Variants in SAMMSON observed in about 807,000 individuals in gnomAD.
SAMMSON encodes long intergenic non-protein coding RNA 1212.
chr3:70,276,089 G>A (rs1210409845), intron 6 of SAMMSON, among the ~76,000 whole-genome samples: 4 of 151,962 alleles, frequency 2.6e-5, no homozygotes, highest in African/African-American at 9.7e-5. Context: ...TTATAATTAA[G>A]ATAATATGAT....
At chr3:70,126,015 T>A in intron 4 of SAMMSON, 1 of 866,076 alleles carries the variant, frequency 1.2e-6, no homozygotes, top group Non-Finnish European at 1.9e-6. Context: ...GCGCAGTAAT[T>A]GATCTAAAAG....
Position 70,278,877 on chromosome 3 carries a change from A to C in SAMMSON, n.675-12302A>C, listed in dbSNP as rs116628952. ...GGGTTGTTGTAAAAACAAATGAAAT[A>C]ACAATTGTAACGTAGAGAGCTAGTG... On this transcript the variant is annotated intron_variant and non_coding_transcript_variant, in intron 6 of 9. Transcript: ENST00000642114. Among the ~76,000 whole-genome samples, 1,102 of 152,078 alleles carry C rather than the reference A, an allele frequency of 7.2e-3. 14 individuals carry two copies. Among genetic ancestry groups the C allele is most frequent in the African/African-American group, 0.025 (1,027 of 41,486 alleles).
chr3:70,355,115 G>A (rs1357246780), intron 8 of SAMMSON, among the ~76,000 whole-genome samples: 7 of 152,068 alleles, frequency 4.6e-5, no homozygotes, highest in Admixed American at 3.3e-4. Flanking sequence ...CCTAACTCTC[G>A]GGTAGGAGAC....
chr3:70,237,662 A>G (rs950547691), intron 4 of SAMMSON, among the ~76,000 whole-genome samples: 2 of 152,230 alleles, frequency 1.3e-5, no homozygotes, highest in African/African-American at 4.8e-5. Flanking sequence ...CTAAATAGGG[A>G]AAAGATTGTT....
At chr3:70,205,654 T>C (rs1197953700) in intron 4 of SAMMSON, 4 of 152,134 alleles carry the variant, frequency 2.6e-5, no homozygotes, top group Non-Finnish European at 5.9e-5. Context: ...TGTCCAGTAC[T>C]GTACAGTTAA....
intron 4 of SAMMSON, among the ~76,000 whole-genome samples, chr3:70,164,752 T>C (rs977159552): frequency 6.6e-6 from 1 of 152,072 alleles, no homozygotes; most frequent in Admixed American, 6.6e-5. Context: ...CCACAAAGAA[T>C]TAAGTGAGTT....
At chr3:70,284,784 T>C (rs1271653416) in intron 6 of SAMMSON, among the ~76,000 whole-genome samples, 1 of 151,954 alleles carries the variant, frequency 6.6e-6, no homozygotes, top group Non-Finnish European at 1.5e-5. Flanking sequence ...TCAGGGAAAA[T>C]AACTAATGGG....
chr3:70,158,723 T>C (rs2067602047), intron 4 of SAMMSON, among the ~76,000 whole-genome samples: 1 of 151,994 alleles, frequency 6.6e-6, no homozygotes, highest in Non-Finnish European at 1.5e-5. Context: ...TAGGAGATGG[T>C]TGAAAAGTTT....
rs531101450 is a variant in SAMMSON at position 70,290,353 on chromosome 3, C to T, written n.675-826C>T. On this transcript the variant is annotated intron_variant and non_coding_transcript_variant, in intron 6 of 9. Coordinates refer to ENST00000642114, the Ensembl canonical transcript of SAMMSON. ...GTCAGTGTGCCCCTGTTGGGGGGTG[C>T]CTCCCAGTTAGGCTGCTCGGGGGCC... Among the ~76,000 whole-genome samples, 11 of 152,280 alleles carry T rather than the reference C, an allele frequency of 7.2e-5. No individual in the cohort carries two copies. In the East Asian group the frequency reaches 2.1e-3, roughly 29 times the overall value.
At chr3:70,083,228 C>T (rs909534636) in intron 4 of SAMMSON, among the ~76,000 whole-genome samples, 7 of 152,140 alleles carry the variant, frequency 4.6e-5, no homozygotes, top group Non-Finnish European at 1.0e-4. Context: ...AGGATTGTAT[C>T]GCTTGCCATT....
chr3:70,411,189 T>G (rs1701215770), intron 2 of SAMMSON, among the ~76,000 whole-genome samples: 1 of 152,214 alleles, frequency 6.6e-6, no homozygotes, highest in South Asian at 2.1e-4. Flanking sequence ...TTTTGCCAAG[T>G]TATCTTGACT....
At chr3:70,403,702 A>G (rs1406904404) in intron 2 of SAMMSON, among the ~76,000 whole-genome samples, 1 of 152,150 alleles carries the variant, frequency 6.6e-6, no homozygotes, top group African/African-American at 2.4e-5. Context: ...CTTCATATAA[A>G]TTGTTTTCTG....
In SAMMSON at chr3:70,358,103, A is replaced by T. The variant is rs533435158; in HGVS notation, n.843-151A>T. On this transcript the variant is annotated intron_variant and non_coding_transcript_variant, in intron 8 of 9. Coordinates refer to ENST00000642114, the Ensembl canonical transcript of SAMMSON. ...TGTGAGCCAATTGTTAAACATAGCC[A>T]TTATCAAAAAATAAAGTATATTGAC... Among the ~76,000 whole-genome samples, 7 of 152,306 alleles carry T rather than the reference A, an allele frequency of 4.6e-5. No homozygotes were observed. In the South Asian group the frequency reaches 1.2e-3, roughly 27 times the overall value.
chr3:70,230,961 C>T (rs1353699743), intron 4 of SAMMSON, among the ~76,000 whole-genome samples: 1 of 152,192 alleles, frequency 6.6e-6, no homozygotes, highest in East Asian at 1.9e-4. Context: ...GATCCCATTT[C>T]GCAGTGATTC....
chr3:70,110,450 G>A (rs777896110), intron 4 of SAMMSON, among the ~76,000 whole-genome samples: 5 of 152,148 alleles, frequency 3.3e-5, no homozygotes, highest in African/African-American at 4.8e-5. Context: ...AGGATGTAGG[G>A]GGGTAGTGTG....
intron 4 of SAMMSON, among the ~76,000 whole-genome samples, chr3:70,083,402 T>G (rs576645627): frequency 1.1e-4 from 16 of 152,178 alleles, no homozygotes; most frequent in Non-Finnish European, 2.4e-4. Flanking sequence ...ATCATTCTCA[T>G]GCACAGATTT....
intron 4 of SAMMSON, among the ~76,000 whole-genome samples, chr3:70,138,101 T>C (rs1388924238): frequency 2.0e-5 from 3 of 152,188 alleles, no homozygotes; most frequent in African/African-American, 7.2e-5. Context: ...ACAAGAAATT[T>C]GTTTTGGGAA....
intron 4 of SAMMSON, among the ~76,000 whole-genome samples, chr3:70,084,232 T>A (rs2067277810): frequency 6.6e-6 from 1 of 152,110 alleles, no homozygotes; most frequent in Non-Finnish European, 1.5e-5. Context: ...TCCAAATCAT[T>A]TTGCCTGGAG....
intron 2 of SAMMSON, among the ~76,000 whole-genome samples, chr3:70,411,081 A>G (rs114526985): frequency 0.011 from 1,638 of 152,296 alleles, 16 homozygotes; most frequent in Non-Finnish European, 0.018. Flanking sequence ...TTAGACTTCA[A>G]TTCTTTTGAA....
Sources: allele counts gnomAD v4.1 joint callset (sites outside exome capture counted in the v4.1 genomes callset), GRCh38; gene constraint gnomAD v4.1.1; transcripts MANE v1.5; gene names NCBI Gene and HGNC (gene_info 2026-07-23, HGNC 2026-07-21).